BMP15: variants seen among roughly 807,000 people sequenced by gnomAD.
BMP15 encodes growth/differentiation factor 9B.
In BMP15, 5 loss-of-function variants were observed where a neutral mutation model predicts 4.4. That is an observed-to-expected ratio of 1.13 (90% CI 0.59 to 2.38). The LOEUF (loss-of-function observed/expected upper bound fraction) is 2.38, where lower values mean the gene tolerates loss of function less well. BMP15 is among the 30% of genes most tolerant of loss of function. The pLI is 0.01. For missense variants in BMP15, 339 were observed against 309.8 expected (o/e 1.09, Z -0.71); for synonymous variants, 125 against 114.6 (o/e 1.09, Z -0.58).
At chrX:50,915,167 C>T (rs1273352699) in intron 1 of BMP15, among the ~76,000 whole-genome samples, 1 of 111,151 alleles carries the variant, frequency 9.0e-6, no homozygotes. Context: ...TTTGTAGTGC[C>T]TTGGTCCTGA....
intron 1 of BMP15, among the ~76,000 whole-genome samples, chrX:50,914,767 C>T (rs1312504968): frequency 9.0e-6 from 1 of 111,449 alleles, no homozygotes; most frequent in Admixed American, 9.5e-5. Flanking sequence ...TCCTGTGGTG[C>T]CAGGCTTTTG....
intron 1 of BMP15, among the ~76,000 whole-genome samples, chrX:50,914,357 G>A (rs1923081125): frequency 8.9e-6 from 1 of 112,602 alleles, no homozygotes; most frequent in Non-Finnish European, 1.9e-5. Flanking sequence ...GGCCAAAGGG[G>A]GCAGATCGCT....
rs900846588 is a variant in BMP15, at chrX:50,912,311, A to T, written c.328+1200A>T. The stretch of plus-strand genomic sequence containing the variant: ...CAGGCCCAAAGCCTGTGTGTTAATC[A>T]TCTTGCTGTTCTGACTCCCCACTGG... On this transcript the variant is annotated intron_variant, in intron 1 of 1. Transcript: ENST00000252677. Among the ~76,000 whole-genome samples the T allele has an allele frequency of 3.6e-5, 4 of 111,880 alleles. No individual in the cohort carries two copies. The Admixed American group carries it at 3.8e-4, about 11-fold the overall frequency.
At chrX:50,914,485 G>T (rs1188966748) in intron 1 of BMP15, among the ~76,000 whole-genome samples, 1 of 111,846 alleles carries the variant, frequency 8.9e-6, no homozygotes, top group East Asian at 2.8e-4. Flanking sequence ...ATCCATGGGG[G>T]CTGAGGTGAG....
chrX:50,913,703 C>A (rs781974289), intron 1 of BMP15, among the ~76,000 whole-genome samples: 1 of 110,862 alleles, frequency 9.0e-6, no homozygotes, highest in South Asian at 3.9e-4. Flanking sequence ...TTCTTAGCAA[C>A]CCCATCCTGC....
Position 50,916,183 on chromosome X carries a change from G to T in BMP15, c.755G>T (p.Gly252Val), listed in dbSNP as rs138858774. 4.6e-5 allele frequency: 55 copies of T among 1,206,084 alleles called. No individual in the cohort carries two copies. Among genetic ancestry groups the T allele is most frequent in the Non-Finnish European group, 6.1e-5 (55 of 895,108 alleles). Residue 252 changes from glycine (G) to valine (V), a missense_variant, in exon 2 of 2, where the codon GGC (glycine) becomes GTC (valine). Gly to Val is a moderately radical substitution (Grantham distance 109). Coordinates refer to ENST00000252677, the MANE Select transcript of BMP15 (RefSeq NM_005448.2). ...CGGAAGGCTAAATTTCTTCCCAGGG[G>T]CATGGAGGAGTTCATGGAAAGGGAA... ...SIRKAKFLPR[G>V]MEEFMERESL... is the part of the protein sequence containing the mutation.
chrX:50,915,673 C>T, intron 1 of BMP15, 84 bp from the exon 2 acceptor site: 1 of 1,140,461 alleles, frequency 8.8e-7, no homozygotes, highest in Non-Finnish European at 1.2e-6. Context: ...AGCTATCAGT[C>T]TATATCAAGA....
Position 50,911,029 on chromosome X carries a change from G to T in BMP15, c.246G>T (p.Gly82=). The T allele has an allele frequency of 8.3e-7, 1 of 1,199,345 alleles. No individual in the cohort carries two copies. Among genetic ancestry groups the T allele is most frequent in the Non-Finnish European group, 1.1e-6 (1 of 889,206 alleles). The part of the protein sequence containing the change: ...ELYRRSADSH[G]HPRENRTIGA... Reference sequence around the variant, plus strand: ...ACCGGCGTTCAGCTGACTCGCATGGGCACCCTAGAGAGAACCGCACCATTG... The same window carrying T: ...ACCGGCGTTCAGCTGACTCGCATGGTCACCCTAGAGAGAACCGCACCATTG... The change falls in exon 1 of 2, where the codon GGG becomes GGT. Residue 82 remains glycine, a synonymous_variant. Transcript: ENST00000252677.
chrX:50,916,602 A>C lies in BMP15; in HGVS notation c.1174A>C (p.Arg392=), dbSNP rs782238571. 2 of 1,211,518 alleles carry C rather than the reference A, an allele frequency of 1.7e-6. No individual in the cohort carries two copies. Among genetic ancestry groups the C allele is most frequent in the Admixed American group, 4.3e-5 (2 of 46,013 alleles). ...TATGATTGCTGAGTCTTGTACATGC[A>C]GATGACAGCAACAGTACGGCTAGAT... The part of the protein sequence containing the change: ...EGMIAESCTC[R] The change falls in exon 2 of 2, where the codon AGA becomes CGA. Residue 392 remains arginine (R), a synonymous_variant. Coordinates refer to ENST00000252677, the MANE Select transcript of BMP15 (RefSeq NM_005448.2).
rs201266344 is a variant in BMP15 at position 50,916,339 on chromosome X, G to T, written c.911G>T (p.Gly304Val). 3 of 1,191,255 alleles carry T rather than the reference G, an allele frequency of 2.5e-6. No individual in the cohort carries two copies. Among genetic ancestry groups the T allele is most frequent in the Non-Finnish European group, 3.4e-6 (3 of 884,966 alleles). Residue 304 changes from glycine to valine, a missense_variant, in exon 2 of 2, where the codon GGT becomes GTT. Gly to Val is a moderately radical substitution (Grantham distance 109). Coordinates refer to ENST00000252677, the MANE Select transcript of BMP15 (RefSeq NM_005448.2). ...TTCCAAATCAGCTTCCGCCAGCTGGGTTGGGATCACTGGATCATTGCTCCC... is the reference window on the plus strand; with the variant it reads ...TTCCAAATCAGCTTCCGCCAGCTGGTTTGGGATCACTGGATCATTGCTCCC... ...HPFQISFRQL[G>V]WDHWIIAPPF...
chrX:50,915,710 G>T (rs782416558), intron 1 of BMP15, 47 bp from the exon 2 acceptor site: 1 of 1,205,814 alleles, frequency 8.3e-7, no homozygotes, highest in Admixed American at 2.2e-5. Context: ...TTCATGTTAA[G>T]AGGTAAGAAG....
chrX:50,913,515 T>C (rs1204180147), intron 1 of BMP15, among the ~76,000 whole-genome samples: 1 of 111,492 alleles, frequency 9.0e-6, no homozygotes, highest in Admixed American at 9.5e-5. Flanking sequence ...GTACAGATGA[T>C]GTGAGGCTAG....
intron 1 of BMP15, among the ~76,000 whole-genome samples, chrX:50,913,025 G>C (rs73488027): frequency 1.8e-4 from 20 of 110,691 alleles, no homozygotes; most frequent in African/African-American, 5.6e-4. Context: ...AAAACAAGTT[G>C]GTTCCAATTG....
chrX:50,916,419 G>A lies in BMP15; in HGVS notation c.991G>A (p.Gly331Ser). 2 of 1,209,391 alleles carry A rather than the reference G, an allele frequency of 1.7e-6. No individual in the cohort carries two copies. Among genetic ancestry groups the A allele is most frequent in the Non-Finnish European group, 2.2e-6 (2 of 893,796 alleles). Residue 331 changes from glycine (G) to serine (S), a missense_variant, in exon 2 of 2, where the codon GGT (glycine) becomes AGT (serine). Physicochemically the swap from Gly to Ser is moderately conservative, Grantham distance 56. Transcript: ENST00000252677. ...AACTTGTCTCCGAGTACTACGCGAT[G>A]GTCTCAATTCCCCCAATCACGCCAT... is the stretch of plus-strand genomic sequence containing the variant. ...KGTCLRVLRD[G>S]LNSPNHAIIQ...
intron 1 of BMP15, among the ~76,000 whole-genome samples, chrX:50,911,893 T>C (rs1438519244): frequency 3.6e-5 from 4 of 111,472 alleles, no homozygotes; most frequent in Non-Finnish European, 7.5e-5. Flanking sequence ...GATTTTGCTT[T>C]TAACATTTGC....
At chrX:50,914,025 C>T (rs781835844) in intron 1 of BMP15, among the ~76,000 whole-genome samples, 79 of 111,935 alleles carry the variant, frequency 7.1e-4, no homozygotes, top group Non-Finnish European at 1.3e-3. Flanking sequence ...GGCTGGAGTG[C>T]AGTGGCACAA....
Position 50,916,316 on chromosome X carries a change from C to T in BMP15, c.888C>T (p.Phe296=). 8.4e-7 allele frequency: 1 copy of T among 1,196,992 alleles called. No individual in the cohort carries two copies. Among genetic ancestry groups the T allele is most frequent in the East Asian group, 3.0e-5 (1 of 33,667 alleles). ...PENNQCSLHP[F]QISFRQLGWD... ...ATAACCAGTGTTCCCTCCACCCTTT[C>T]CAAATCAGCTTCCGCCAGCTGGGTT... The change falls in exon 2 of 2, where the codon TTC becomes TTT. Residue 296 remains phenylalanine, a synonymous_variant. Coordinates refer to ENST00000252677, the MANE Select transcript of BMP15 (RefSeq NM_005448.2).
intron 1 of BMP15, among the ~76,000 whole-genome samples, chrX:50,914,354 G>C (rs782552973): frequency 2.7e-5 from 3 of 112,659 alleles, no homozygotes; most frequent in Non-Finnish European, 5.6e-5. Flanking sequence ...GGAGGCCAAA[G>C]GGGGCAGATC....
Position 50,916,109 on chromosome X carries a change from G to A in BMP15, c.681G>A (p.Leu227=). Residue 227 remains leucine (L), a synonymous_variant, in exon 2 of 2, where the codon TTG becomes TTA. Transcript: ENST00000252677. ...AGCTCTGGCATGGCACTTCATCCTT[G>A]GACATTGCCTTCTTGTTACTCTATT... The part of the protein sequence containing the change: ...GLELWHGTSS[L]DIAFLLLYFN... The A allele has an allele frequency of 8.3e-7, 1 of 1,211,550 alleles. No homozygotes were observed. The highest frequency in any genetic ancestry group is 1.8e-5 in the South Asian group (1 of 56,950).
Sources: allele counts gnomAD v4.1 joint callset (sites outside exome capture counted in the v4.1 genomes callset), GRCh38; gene constraint gnomAD v4.1.1; transcripts MANE v1.5; gene names NCBI Gene and HGNC (gene_info 2026-07-23, HGNC 2026-07-21).